The following NEBL variants were observed in gnomAD, a reference collection of about 807,000 sequenced individuals.
NEBL encodes the protein LIM and SH3 protein 2.
A neutral mutation model predicts 140.2 loss-of-function variants in NEBL; 122 were observed. The observed-to-expected ratio is 0.87, with a 90% CI of 0.75 to 1.01. The LOEUF is 1.01. Ranked by LOEUF, NEBL falls within the 50% of genes least tolerant of loss-of-function variation. The pLI is 0.00. For synonymous variants in NEBL, 436 were observed against 398.9 expected (o/e 1.09, Z -1.11); for missense variants, 1,365 against 1,231.3 (o/e 1.11, Z -1.62).
At chr10:20,958,414 C>T (rs1314908777) in intron 4 of NEBL, among the ~76,000 whole-genome samples, 2 of 152,164 alleles carry the variant, frequency 1.3e-5, no homozygotes, top group African/African-American at 4.8e-5. Context: ...CAGTGCTGAA[C>T]ACATTGGCTG....
At chr10:21,197,351 G>T (rs1433610044) in intron 3 of NEBL, among the ~76,000 whole-genome samples, 1 of 152,178 alleles carries the variant, frequency 6.6e-6, no homozygotes, top group Non-Finnish European at 1.5e-5. Context: ...ATGTCTAGAA[G>T]TTTTTCTTCT....
chr10:21,141,326 G>A (rs979513598), intron 2 of NEBL, among the ~76,000 whole-genome samples: 15 of 152,084 alleles, frequency 9.9e-5, no homozygotes, highest in Admixed American at 2.0e-4. Flanking sequence ...TTCGTTTTTA[G>A]GAAATACACA....
intron 7 of NEBL, chr10:20,868,421 T>C: frequency 6.2e-6 from 3 of 482,680 alleles, no homozygotes; most frequent in Non-Finnish European, 1.1e-5. Flanking sequence ...GCTAGAGACA[T>C]TGAAAAATGT....
intron 2 of NEBL, among the ~76,000 whole-genome samples, chr10:21,065,247 GTATT>G (rs752276321): frequency 5.9e-5 from 9 of 152,184 alleles, no homozygotes; most frequent in Non-Finnish European, 8.8e-5. Flanking sequence ...GGTTTGTTTT[GTATT>G]TAAGTCATGA....
In NEBL at chr10:20,876,174, G is replaced by A. The variant is rs371412093; in HGVS notation, c.480+4620C>T. On this transcript the variant is annotated intron_variant, in intron 5 of 27. Coordinates refer to ENST00000377122, the MANE Select transcript of NEBL (RefSeq NM_006393.3). ...GTAGGTTCTGATACTATTCAGAAGA[G>A]AGAAAAAGTTTTCAGTCTTCCAAAA... is the stretch of plus-strand genomic sequence containing the variant. 2.0e-5 allele frequency among the ~76,000 whole-genome samples: 3 copies of A among 152,172 alleles called. No homozygotes were observed. The East Asian group carries it at 5.8e-4, about 29-fold the overall frequency.
intron 3 of NEBL, among the ~76,000 whole-genome samples, chr10:20,987,219 T>C (rs1049250043): frequency 2.6e-5 from 4 of 151,714 alleles, no homozygotes; most frequent in Non-Finnish European, 5.9e-5. Context: ...CATTCACATA[T>C]AGCATTCATT....
chr10:21,028,709 T>C (rs1833644754), intron 2 of NEBL, among the ~76,000 whole-genome samples: 1 of 151,400 alleles, frequency 6.6e-6, no homozygotes. Flanking sequence ...TTACATAAAT[T>C]CAAATCCTAA....
At chr10:20,787,446 T>C (rs940325481) in intron 26 of NEBL, 138 bp from the exon 27 acceptor site, 18 of 729,866 alleles carry the variant, frequency 2.5e-5, no homozygotes, top group Non-Finnish European at 3.9e-5. Flanking sequence ...GAAATTTAAG[T>C]TGCAGTGTTA....
At chr10:20,983,598 C>G (rs747894083) in intron 3 of NEBL, among the ~76,000 whole-genome samples, 1 of 152,220 alleles carries the variant, frequency 6.6e-6, no homozygotes, top group Non-Finnish European at 1.5e-5. Flanking sequence ...TATTCACAAG[C>G]ATCCAGTGAT....
At chr10:20,840,161 C>CT (rs1841279216) in intron 13 of NEBL, among the ~76,000 whole-genome samples, 1 of 152,078 alleles carries the variant, frequency 6.6e-6, no homozygotes, top group African/African-American at 2.4e-5. Context: ...GCTTTAAGCT[C>CT]TTTCACTGCT....
chr10:21,081,782 A>C (rs543922842), intron 2 of NEBL, among the ~76,000 whole-genome samples: 1 of 152,324 alleles, frequency 6.6e-6, no homozygotes, highest in Admixed American at 6.5e-5. Context: ...GAATGATGGA[A>C]TTGTGTCATA....
rs114528683 is a variant in NEBL at position 21,039,515 on chromosome 10, A to G, written c.165-19314T>C. 4.2e-3 allele frequency among the ~76,000 whole-genome samples: 640 copies of G among 152,312 alleles called. 5 individuals are homozygous for G. Among genetic ancestry groups the G allele is most frequent in the African/African-American group, 0.014 (594 of 41,564 alleles). ...CCTTTGTTTTTGTCAGGTTTGTTGA[A>G]GATCAGATGGTTATAGCTGTAAAAA... On this transcript the variant is annotated intron_variant, in intron 2 of 6. Transcript: ENST00000417816.
chr10:21,170,282 C>A (rs1841016720), intron 2 of NEBL: 1 of 152,178 alleles, frequency 6.6e-6, no homozygotes, highest in Non-Finnish European at 1.5e-5. Flanking sequence ...TTCAGGCCTA[C>A]CAGGGCCACC....
chr10:21,011,302 G>A (rs749142478), intron 3 of NEBL, among the ~76,000 whole-genome samples: 9 of 152,114 alleles, frequency 5.9e-5, no homozygotes, highest in Admixed American at 1.3e-4. Context: ...ACTTATTTAC[G>A]ATGTACTCGT....
intron 2 of NEBL, among the ~76,000 whole-genome samples, chr10:21,024,879 T>C (rs1838959840): frequency 6.6e-6 from 1 of 152,104 alleles, no homozygotes; most frequent in Non-Finnish European, 1.5e-5. Flanking sequence ...GGGCTGGTGG[T>C]CCTCATACGA....
intron 1 of NEBL, among the ~76,000 whole-genome samples, chr10:21,260,864 C>T (rs188821013): frequency 3.9e-5 from 6 of 152,268 alleles, no homozygotes; most frequent in East Asian, 3.9e-4. Context: ...TCAACAGCAA[C>T]GAACAACAAA....
At chr10:21,279,263 A>T (rs186173199) in intron 1 of NEBL, among the ~76,000 whole-genome samples, 1 of 151,458 alleles carries the variant, frequency 6.6e-6, no homozygotes, top group East Asian at 1.9e-4. Context: ...ACATGTCACA[A>T]AAATAGCCAT....
At chr10:20,805,767 C>T (rs990531279) in intron 26 of NEBL, among the ~76,000 whole-genome samples, 5 of 151,844 alleles carry the variant, frequency 3.3e-5, no homozygotes, top group African/African-American at 7.3e-5. Flanking sequence ...GCAGGAGAAC[C>T]GTTTGAACCT....
At chr10:21,096,997 A>AT (rs1564510132) in intron 2 of NEBL, among the ~76,000 whole-genome samples, 1 of 152,066 alleles carries the variant, frequency 6.6e-6, no homozygotes, top group Non-Finnish European at 1.5e-5. Context: ...TAAAAAAAAA[A>AT]GGTAATATTT....
Sources: allele counts gnomAD v4.1 joint callset (sites outside exome capture counted in the v4.1 genomes callset), GRCh38; gene constraint gnomAD v4.1.1; transcripts MANE v1.5; gene names NCBI Gene and HGNC (gene_info 2026-07-23, HGNC 2026-07-21).